Variants in PLA1A observed in about 807,000 individuals in gnomAD.
PLA1A encodes the protein phosphatidylserine-specific phospholipase A1alpha.
In PLA1A, 47 loss-of-function variants were observed where a neutral mutation model predicts 49.4. That is an observed-to-expected ratio of 0.95 (90% confidence interval 0.75 to 1.21). PLA1A has a LOEUF of 1.21. Ranked by LOEUF, PLA1A falls within the 50% of genes most tolerant of loss-of-function variation. The probability of loss-of-function intolerance (pLI) is 0.00; values close to 1 mark genes in which losing one functional copy is unlikely to be tolerated. For synonymous variants in PLA1A, 224 were observed against 207.9 expected, an observed-to-expected ratio of 1.08 and a Z score of -0.67; for missense variants, 561 against 563.9, an observed-to-expected ratio of 0.99 and a Z score of 0.05.
chr3:119,599,994 G>T (rs552124848), intron 1 of PLA1A, among the ~76,000 whole-genome samples: 4 of 152,230 alleles, frequency 2.6e-5, no homozygotes, highest in African/African-American at 9.6e-5. Context: ...GTGTGTGGCT[G>T]GGAGGGATAG....
chr3:119,622,508 C>A (rs1397683424), intron 8 of PLA1A, among the ~76,000 whole-genome samples: 3 of 152,168 alleles, frequency 2.0e-5, no homozygotes, highest in Non-Finnish European at 4.4e-5. Flanking sequence ...GGGTTCTTGG[C>A]ATCTTGGCAC....
intron 4 of PLA1A, among the ~76,000 whole-genome samples, chr3:119,612,400 C>T (rs939730783): frequency 6.6e-6 from 1 of 152,022 alleles, no homozygotes; most frequent in Non-Finnish European, 1.5e-5. Context: ...AGTAACTGCT[C>T]GAAGAAATTT....
chr3:119,600,489 A>G (rs2082603975), intron 1 of PLA1A: 2 of 687,308 alleles, frequency 2.9e-6, no homozygotes, highest in African/African-American at 1.8e-5. Context: ...GGGCCTGCTT[A>G]TTTTCCCTTT....
Position 119,619,604 on chromosome 3 carries a change from A to T in PLA1A, c.964A>T (p.Lys322Ter). 6.2e-7 allele frequency: 1 copy of T among 1,613,862 alleles called. No homozygotes were observed. The highest frequency in any genetic ancestry group is 8.5e-7 in the Non-Finnish European group (1 of 1,179,730). ...QGGVKIEPLP[K>*]EVKVYLLTTS... ...TGGTGTCAAGATAGAGCCGCTCCCC[A>T]AGGAAGTGAAAGTCTACCTCCTGAC... Residue 322 changes from lysine to a stop codon, truncating the protein, a stop_gained, in exon 8 of 11, where the codon AAG (lysine) becomes TAG (stop). Coordinates refer to ENST00000273371, the MANE Select transcript of PLA1A (RefSeq NM_015900.4). LOFTEE classifies it high-confidence loss of function.
Position 119,608,922 on chromosome 3 carries a change from T to G in PLA1A, c.428T>G (p.Ile143Ser), listed in dbSNP as rs746927050. 6 of 1,613,914 alleles carry G rather than the reference T, an allele frequency of 3.7e-6. No homozygotes were observed. The highest frequency in any genetic ancestry group is 4.2e-6 in the Non-Finnish European group (5 of 1,179,966). The stretch of plus-strand genomic sequence containing the variant: ...AATGTGATTAAGTTGAGCCTCGAGA[T>G]CTCCCTTTTCCTCAATAAACTCCTG... ...VKNVIKLSLE[I>S]SLFLNKLLVL... The change falls in exon 3 of 11, where the codon ATC (isoleucine) becomes AGC (serine). Residue 143 changes from isoleucine (I) to serine (S), a missense_variant. Coordinates refer to ENST00000273371, the MANE Select transcript of PLA1A (RefSeq NM_015900.4).
At chr3:119,599,640 C>T (rs1052925493) in intron 1 of PLA1A, among the ~76,000 whole-genome samples, 13 of 152,148 alleles carry the variant, frequency 8.5e-5, no homozygotes, top group Admixed American at 5.9e-4. Flanking sequence ...TTAGGGTCAG[C>T]GCAGAAGCTG....
At chr3:119,602,989 T>C (rs1296684866) in intron 1 of PLA1A, among the ~76,000 whole-genome samples, 4 of 151,404 alleles carry the variant, frequency 2.6e-5, no homozygotes, top group Admixed American at 2.0e-4. Flanking sequence ...CCATCTAGAG[T>C]GAGGAAGGGC....
At chr3:119,611,969 A>G (rs1474908098) in intron 4 of PLA1A, among the ~76,000 whole-genome samples, 1 of 152,154 alleles carries the variant, frequency 6.6e-6, no homozygotes, top group Non-Finnish European at 1.5e-5. Flanking sequence ...AATAAACTTT[A>G]GACAGTTTTG....
Position 119,628,697 on chromosome 3 carries a change from G to A in PLA1A, c.1122-4G>A, listed in dbSNP as rs2052579939. On this transcript the variant is annotated splice_region_variant and splice_polypyrimidine_tract_variant and intron_variant, in intron 9 of 10. Coordinates refer to ENST00000273371, the MANE Select transcript of PLA1A (RefSeq NM_015900.4). ...TTTACTTTCCCTTTACCCTTTTCTT[G>A]CAGACCTAAGCAGCAACGCTATGGG... The A allele has an allele frequency of 6.2e-7, 1 of 1,613,678 alleles. No homozygotes were observed. Among genetic ancestry groups the A allele is most frequent in the African/African-American group, 1.3e-5 (1 of 74,872 alleles).
At position 119,613,007 on chromosome 3, in the gene PLA1A, C is replaced by T; in HGVS notation, c.563-10C>T. 6.4e-7 allele frequency: 1 copy of T among 1,557,384 alleles called. No individual in the cohort carries two copies. The highest frequency in any genetic ancestry group is 8.7e-7 in the Non-Finnish European group (1 of 1,143,608). On this transcript the variant is annotated splice_polypyrimidine_tract_variant and intron_variant, in intron 4 of 10. Transcript: ENST00000273371. ...GGAAAGAGGTCCCTCATATCAGTCT[C>T]TTCTCACAGGCCTGGACCCCGCTGG...
chr3:119,607,742 C>T (rs980859032), intron 2 of PLA1A, among the ~76,000 whole-genome samples: 1 of 152,182 alleles, frequency 6.6e-6, no homozygotes, highest in Non-Finnish European at 1.5e-5. Context: ...TCCTCTAGCA[C>T]ATCTCATATT....
At chr3:119,619,697 C>A in intron 8 of PLA1A, 45 bp downstream of exon 8, 2 of 1,241,678 alleles carry the variant, frequency 1.6e-6, no homozygotes, top group Non-Finnish European at 2.4e-6. Context: ...CAGGGCACCA[C>A]CAGAGGAGTC....
intron 10 of PLA1A, among the ~76,000 whole-genome samples, 186 bp from the exon 11 acceptor site, chr3:119,629,198 C>T (rs148332469): frequency 6.6e-6 from 1 of 152,198 alleles, no homozygotes; most frequent in Non-Finnish European, 1.5e-5. Context: ...ATCCCCTTTC[C>T]CTTCCTCTAA....
intron 1 of PLA1A, among the ~76,000 whole-genome samples, chr3:119,605,109 T>A (rs1465361186): frequency 6.6e-6 from 1 of 152,226 alleles, no homozygotes; most frequent in Non-Finnish European, 1.5e-5. Flanking sequence ...TTTCATCTTT[T>A]CTTTAAAGAG....
At chr3:119,628,349 A>T (rs1446567873) in intron 9 of PLA1A, among the ~76,000 whole-genome samples, 1 of 152,242 alleles carries the variant, frequency 6.6e-6, no homozygotes, top group Non-Finnish European at 1.5e-5. Context: ...AATGTCCTAA[A>T]AGAGGGTTTC....
intron 8 of PLA1A, 63 bp from the exon 9 acceptor site, chr3:119,625,061 G>C: frequency 1.0e-6 from 1 of 962,312 alleles, no homozygotes; most frequent in Non-Finnish European, 1.7e-6. Context: ...GCTGCTCTCT[G>C]GGGTTTTTGC....
intron 8 of PLA1A, among the ~76,000 whole-genome samples, chr3:119,622,158 A>G (rs942064614): frequency 3.0e-3 from 207 of 68,046 alleles, no homozygotes; most frequent in African/African-American, 0.011. Flanking sequence ...AGGAAGAAGA[A>G]GAAGAAGAAG....
chr3:119,614,894 G>A (rs139335552), intron 5 of PLA1A, among the ~76,000 whole-genome samples: 74 of 152,328 alleles, frequency 4.9e-4, no homozygotes, highest in Non-Finnish European at 8.7e-4. Flanking sequence ...AGGGAAGCCC[G>A]GATGCCCATT....
chr3:119,619,153 C>G (rs903128844), intron 7 of PLA1A, among the ~76,000 whole-genome samples: 46 of 152,210 alleles, frequency 3.0e-4, no homozygotes, highest in African/African-American at 1.0e-3. Context: ...TAACCATACT[C>G]TCTTCCCAGA....
Sources: allele counts gnomAD v4.1 joint callset (sites outside exome capture counted in the v4.1 genomes callset), GRCh38; gene constraint gnomAD v4.1.1; transcripts MANE v1.5; gene names NCBI Gene and HGNC (gene_info 2026-07-23, HGNC 2026-07-21).